Variants in ULK2 observed in about 807,000 individuals in gnomAD.
ULK2 encodes the protein serine/threonine-protein kinase ULK2.
A neutral mutation model predicts 127.5 loss-of-function variants in ULK2; 76 were observed. The ratio of observed to expected loss-of-function variants is 0.60; its 90% CI spans 0.50 to 0.72. The LOEUF (loss-of-function observed/expected upper bound fraction) is 0.72. Ranked by LOEUF, ULK2 falls within the 30% of genes least tolerant of loss-of-function variation. ULK2 has a pLI of 0.00. For missense variants in ULK2, 1,144 were observed against 1,295.9 expected (o/e 0.88, Z 1.80); for synonymous variants, 452 against 461.9 (o/e 0.98, Z 0.28).
intron 3 of ULK2, among the ~76,000 whole-genome samples, chr17:19,858,712 G>A (rs1446710087): frequency 6.6e-6 from 1 of 152,186 alleles, no homozygotes; most frequent in African/African-American, 2.4e-5. Flanking sequence ...GCTCACATCT[G>A]TAATCCCAGA....
intron 12 of ULK2, among the ~76,000 whole-genome samples, chr17:19,821,564 G>A (rs1314111010): frequency 6.6e-6 from 1 of 152,050 alleles, no homozygotes; most frequent in South Asian, 2.1e-4. Flanking sequence ...AGAAAGAAGG[G>A]GAAGCATGTA....
intron 20 of ULK2, among the ~76,000 whole-genome samples, chr17:19,794,907 T>C (rs888057532): frequency 1.3e-5 from 2 of 151,972 alleles, no homozygotes; most frequent in Non-Finnish European, 2.9e-5. Flanking sequence ...TGAAACCCTG[T>C]CTCTACTAAA....
At chr17:19,865,601 G>A (rs2042335556) in intron 2 of ULK2, 135 bp downstream of exon 2, 1 of 506,896 alleles carries the variant, frequency 2.0e-6, no homozygotes, top group South Asian at 3.0e-5. Flanking sequence ...AAAAAAGTGA[G>A]CATGCAAAAA....
Position 19,783,757 on chromosome 17 carries a change from G to C in ULK2, c.2400C>G (p.Pro800=), listed in dbSNP as rs147422998. Residue 800 remains proline (P), a synonymous_variant, in exon 22 of 27, where the codon CCC becomes CCG. Coordinates refer to ENST00000395544, the MANE Select transcript of ULK2 (RefSeq NM_014683.4). Reference sequence around the variant, plus strand: ...CAAAGGTGATGAGCCCCTCTAGGCTGGGGGGTGAAGCACCGTAAGGCACGT... The same window carrying C: ...CAAAGGTGATGAGCCCCTCTAGGCTCGGGGGTGAAGCACCGTAAGGCACGT... ...LRYVPYGASP[P]SLEGLITFEA... The C allele has an allele frequency of 6.3e-6, 10 of 1,597,978 alleles. No individual in the cohort carries two copies. Among genetic ancestry groups the C allele is most frequent in the African/African-American group, 2.7e-5 (2 of 74,320 alleles).
chr17:19,850,078 A>C (rs1424423020), intron 3 of ULK2, among the ~76,000 whole-genome samples: 9 of 152,200 alleles, frequency 5.9e-5, no homozygotes, highest in African/African-American at 1.4e-4. Context: ...TAGGACAAAA[A>C]GCATGGTAAA....
intron 13 of ULK2, among the ~76,000 whole-genome samples, chr17:19,812,968 A>G (rs1324378735): frequency 6.6e-6 from 1 of 152,188 alleles, no homozygotes; most frequent in African/African-American, 2.4e-5. Flanking sequence ...AGGGTCTCTG[A>G]ACTGCAGAAC....
At chr17:19,824,948 A>T (rs1228154154) in intron 12 of ULK2, 146 bp downstream of exon 12, 3 of 786,274 alleles carry the variant, frequency 3.8e-6, no homozygotes, top group Admixed American at 2.7e-5. Flanking sequence ...CATTTGACCC[A>T]ACTATCATGT....
intron 22 of ULK2, among the ~76,000 whole-genome samples, chr17:19,782,560 CAGTT>C (rs1371558666): frequency 1.3e-5 from 2 of 151,984 alleles, no homozygotes; most frequent in Admixed American, 6.6e-5. Context: ...GTGATCTTTT[CAGTT>C]AGTTAAAGAG....
At chr17:19,797,778 A>G in intron 17 of ULK2, 96 bp from the exon 18 acceptor site, 1 of 1,133,048 alleles carries the variant, frequency 8.8e-7, no homozygotes, top group African/African-American at 1.6e-5. Flanking sequence ...GAGAATTCTG[A>G]TAAATATCTT....
At chr17:19,827,906 G>C (rs1327384597) in intron 10 of ULK2, among the ~76,000 whole-genome samples, 1 of 145,876 alleles carries the variant, frequency 6.9e-6, no homozygotes, top group Non-Finnish European at 1.5e-5. Context: ...GCGAAACTCT[G>C]TCTCAAAAAA....
At chr17:19,784,008 G>C in intron 21 of ULK2, 103 bp from the exon 22 acceptor site, 2 of 1,100,506 alleles carry the variant, frequency 1.8e-6, no homozygotes, top group Non-Finnish European at 2.3e-6. Context: ...ACAAAGGAAA[G>C]TTTCGTTAAA....
chr17:19,860,652 G>A (rs2152402756), intron 3 of ULK2, among the ~76,000 whole-genome samples: 1 of 151,520 alleles, frequency 6.6e-6, no homozygotes, highest in Non-Finnish European at 1.5e-5. Flanking sequence ...AGCCTCCCGA[G>A]TAGCTGGGAT....
At chr17:19,842,472 C>G (rs1333093740) in intron 8 of ULK2, among the ~76,000 whole-genome samples, 1 of 152,072 alleles carries the variant, frequency 6.6e-6, no homozygotes, top group African/African-American at 2.4e-5. Context: ...GCTGGGATTA[C>G]AGGTGTGAGC....
At chr17:19,828,036 A>T (rs1051296726) in intron 10 of ULK2, among the ~76,000 whole-genome samples, 2 of 152,240 alleles carry the variant, frequency 1.3e-5, no homozygotes, top group Admixed American at 1.3e-4. Flanking sequence ...AACTTGTAAT[A>T]TACAGGGATC....
Position 19,775,162 on chromosome 17 carries a change from G to A in ULK2, c.*1187C>T, listed in dbSNP as rs205107. On this transcript the variant is annotated 3_prime_UTR_variant, in exon 27 of 27. Coordinates refer to ENST00000395544, the MANE Select transcript of ULK2 (RefSeq NM_014683.4). ...CAAGCAGGTAAGTAAAAGAAACCAA[G>A]TAATACACAACGTAGGAACCATTCC... The A allele has an allele frequency of 0.96, 146,738 of 152,742 alleles. 70,678 individuals are homozygous for A. The highest frequency in any genetic ancestry group is 0.99 in the African/African-American group (41,200 of 41,586). The allele number at this position is 152,742 out of a possible 1,614,324, so 9.5% of individuals were successfully genotyped here. A position where few individuals can be genotyped will look rare whatever the true frequency, so the allele number is the denominator to read the frequency against.
chr17:19,859,955 T>C (rs977509463), intron 3 of ULK2, among the ~76,000 whole-genome samples: 1 of 152,316 alleles, frequency 6.6e-6, no homozygotes, highest in East Asian at 1.9e-4. Flanking sequence ...GAGTTTATGG[T>C]GTGAGCCACC....
At chr17:19,846,695 TC>T (rs1555564768) in intron 6 of ULK2, 41 bp downstream of exon 6, 1 of 1,512,238 alleles carries the variant, frequency 6.6e-7, no homozygotes, top group Middle Eastern at 1.8e-4. Context: ...AAAAATAGTT[TC>T]AAAAAATGTC....
intron 14 of ULK2, among the ~76,000 whole-genome samples, chr17:19,807,597 G>T (rs983678526): frequency 6.6e-6 from 1 of 151,916 alleles, no homozygotes; most frequent in African/African-American, 2.4e-5. Context: ...ACTGGTAAAG[G>T]AAAGTTCAAG....
intron 6 of ULK2, 96 bp from the exon 7 acceptor site, chr17:19,845,473 G>C (rs1217397517): frequency 1.1e-6 from 1 of 942,290 alleles, no homozygotes; most frequent in Non-Finnish European, 1.7e-6. Flanking sequence ...AGGCACAAAG[G>C]ACTGTGAAAA....
Sources: gnomAD v4.1 joint callset for allele counts (sites outside exome capture counted in the v4.1 genomes callset) on GRCh38, gnomAD v4.1.1 for gene constraint, MANE v1.5 for transcripts, NCBI Gene and HGNC (gene_info 2026-07-23, HGNC 2026-07-21) for gene names.